The following ATF2 variants were observed in gnomAD, a reference collection of about 807,000 sequenced individuals.
ATF2 encodes the protein activating transcription factor 2, also known as cyclic AMP-dependent transcription factor ATF-2.
Under a neutral mutation model 60.6 loss-of-function variants are expected in ATF2, and 24 were observed. That is an observed-to-expected ratio of 0.40 (90% CI 0.29 to 0.56). ATF2 has a LOEUF of 0.56. Among genes scored for constraint, ATF2 ranks in the 20% least tolerant of loss-of-function variants. ATF2 has a pLI of 0.54. For missense variants in ATF2, 433 were observed against 607.7 expected (o/e 0.71, Z 3.02); for synonymous variants, 206 against 215.4 (o/e 0.96, Z 0.38).
intron 3 of ATF2, among the ~76,000 whole-genome samples, chr2:175,132,398 C>T (rs1697795207): frequency 6.6e-6 from 1 of 152,160 alleles, no homozygotes; most frequent in African/African-American, 2.4e-5. Context: ...GATGAGTAGA[C>T]ATTGAGCTTT....
intron 12 of ATF2, among the ~76,000 whole-genome samples, chr2:175,087,614 C>A (rs1260412656): frequency 6.6e-6 from 1 of 152,054 alleles, no homozygotes; most frequent in Non-Finnish European, 1.5e-5. Context: ...CCATTACCCC[C>A]AAAAATAAAG....
intron 10 of ATF2, among the ~76,000 whole-genome samples, chr2:175,106,714 T>C (rs1287515172): frequency 6.6e-6 from 1 of 151,786 alleles, no homozygotes; most frequent in African/African-American, 2.4e-5. Flanking sequence ...CGGAAGCCTG[T>C]AATCCCAGCT....
intron 5 of ATF2, among the ~76,000 whole-genome samples, chr2:175,120,079 A>G (rs995955320): frequency 2.0e-5 from 3 of 151,726 alleles, no homozygotes; most frequent in Admixed American, 6.6e-5. Flanking sequence ...CTATTTTTCT[A>G]CTGCATTAAA....
chr2:175,156,943 C>T (rs1354745712), intron 1 of ATF2, among the ~76,000 whole-genome samples: 2 of 152,120 alleles, frequency 1.3e-5, no homozygotes, highest in South Asian at 2.1e-4. Flanking sequence ...TTGTGCCCCA[C>T]GACTTCAACA....
chr2:175,120,494 T>C (rs1486364754), intron 5 of ATF2, among the ~76,000 whole-genome samples: 3 of 151,662 alleles, frequency 2.0e-5, no homozygotes, highest in African/African-American at 4.8e-5. Flanking sequence ...AACCACCGAA[T>C]ATTTGCTTTA....
At chr2:175,129,796 T>A (rs1697599930) in intron 4 of ATF2, among the ~76,000 whole-genome samples, 1 of 152,058 alleles carries the variant, frequency 6.6e-6, no homozygotes, top group African/African-American at 2.4e-5. Context: ...AATTCTCATA[T>A]AATATCGATC....
At chr2:175,159,055 A>G (rs1699855551) in intron 1 of ATF2, among the ~76,000 whole-genome samples, 2 of 152,056 alleles carry the variant, frequency 1.3e-5, no homozygotes, top group South Asian at 4.1e-4. Flanking sequence ...TGATAGCTCA[A>G]CCCTGTAATC....
At chr2:175,164,013 AT>A (rs945582779) in intron 1 of ATF2, among the ~76,000 whole-genome samples, 13 of 148,982 alleles carry the variant, frequency 8.7e-5, no homozygotes, top group Middle Eastern at 3.5e-3. Context: ...ATACATATTT[AT>A]TTATAATTAT....
intron 10 of ATF2, among the ~76,000 whole-genome samples, chr2:175,109,065 A>G (rs573993143): frequency 1.3e-5 from 2 of 151,036 alleles, no homozygotes; most frequent in Non-Finnish European, 2.9e-5. Context: ...GCATAGGAAA[A>G]CCAGAGACCT....
At chr2:175,096,958 T>C (rs913370905) in intron 11 of ATF2, among the ~76,000 whole-genome samples, 3 of 152,210 alleles carry the variant, frequency 2.0e-5, no homozygotes, top group African/African-American at 7.2e-5. Flanking sequence ...AAAAAATATC[T>C]AGTGTTAATA....
At chr2:175,123,475 T>G (rs150995430) in intron 4 of ATF2, among the ~76,000 whole-genome samples, 6 of 152,170 alleles carry the variant, frequency 3.9e-5, no homozygotes, top group African/African-American at 1.4e-4. Context: ...AATTAATAGA[T>G]AAGAAGTTGG....
At chr2:175,101,273 T>C (rs549914366) in intron 10 of ATF2, among the ~76,000 whole-genome samples, 1 of 152,030 alleles carries the variant, frequency 6.6e-6, no homozygotes, top group Non-Finnish European at 1.5e-5. Flanking sequence ...AGAAAAACGA[T>C]CAAGAAGTAT....
intron 3 of ATF2, 100 bp downstream of exon 3, chr2:175,136,312 A>T: frequency 8.5e-7 from 1 of 1,175,458 alleles, no homozygotes; most frequent in South Asian, 1.3e-5. Context: ...TTGTATGGAA[A>T]AAAACACCAC....
chr2:175,139,188 C>A lies in ATF2; in HGVS notation c.-43-2702G>T, dbSNP rs114597766. Among the ~76,000 whole-genome samples, 1,278 of 152,274 alleles carry A rather than the reference C, an allele frequency of 8.4e-3. 16 individuals carry two copies. The highest frequency in any genetic ancestry group is 0.016 in the Admixed American group (240 of 15,302). ...GTCTCTATTCATCGTTGTATCTGCA[C>A]AGTATCTTACTTGCTAACAGCAGGC... On this transcript the variant is annotated intron_variant, in intron 2 of 13. Coordinates refer to ENST00000264110, the MANE Select transcript of ATF2 (RefSeq NM_001880.4).
intron 9 of ATF2, 140 bp from the exon 10 acceptor site, chr2:175,111,794 A>T (rs987182385): frequency 2.9e-6 from 2 of 688,506 alleles, no homozygotes; most frequent in Middle Eastern, 3.8e-4. Flanking sequence ...TCTCTATACC[A>T]AATCCTTATT....
At chr2:175,152,416 C>T (rs1699369971) in intron 1 of ATF2, among the ~76,000 whole-genome samples, 1 of 152,132 alleles carries the variant, frequency 6.6e-6, no homozygotes, top group African/African-American at 2.4e-5. Flanking sequence ...GAAATGACTG[C>T]TCAGAATCAT....
chr2:175,106,305 T>A (rs1326003746), intron 10 of ATF2, among the ~76,000 whole-genome samples: 1 of 151,510 alleles, frequency 6.6e-6, no homozygotes, highest in Admixed American at 6.6e-5. Context: ...CCGAGGCAGG[T>A]GGATCACCTT....
chr2:175,077,323 T>A (rs532444986), intron 13 of ATF2, among the ~76,000 whole-genome samples: 1 of 152,330 alleles, frequency 6.6e-6, no homozygotes, highest in East Asian at 1.9e-4. Context: ...AGTAATGGGA[T>A]GGCTGGGTCA....
At chr2:175,085,510 C>T (rs1269179064) in intron 12 of ATF2, among the ~76,000 whole-genome samples, 1 of 147,662 alleles carries the variant, frequency 6.8e-6, no homozygotes, top group African/African-American at 2.6e-5. Context: ...CAGAGTGAGA[C>T]TCAAGTCTCA....
Sources: allele counts gnomAD v4.1 joint callset (sites outside exome capture counted in the v4.1 genomes callset), GRCh38; gene constraint gnomAD v4.1.1; transcripts MANE v1.5; gene names NCBI Gene and HGNC (gene_info 2026-07-23, HGNC 2026-07-21).